SCG5: variants seen among roughly 807,000 people sequenced by gnomAD.
The protein encoded by SCG5 is neuroendocrine protein 7B2.
Under a neutral mutation model 25.7 loss-of-function variants are expected in SCG5, and 18 were observed. That is an observed-to-expected ratio of 0.70 (90% CI 0.48 to 1.04). The LOEUF (loss-of-function observed/expected upper bound fraction) is 1.04, where lower values mean the gene tolerates loss of function less well. Among genes scored for constraint, SCG5 ranks in the 50% least tolerant of loss-of-function variants. The probability of loss-of-function intolerance (pLI) is 0.00; values close to 1 mark genes in which losing one functional copy is unlikely to be tolerated. For missense variants in SCG5, 206 were observed against 259.8 expected, an observed-to-expected ratio of 0.79 and a Z score of 1.42; for synonymous variants, 101 against 91.7, an observed-to-expected ratio of 1.10 and a Z score of -0.58.
At chr15:32,671,289 C>T (rs1278464642) in intron 2 of SCG5, among the ~76,000 whole-genome samples, 1 of 152,172 alleles carries the variant, frequency 6.6e-6, no homozygotes, top group Non-Finnish European at 1.5e-5. Flanking sequence ...TCATTTCTCA[C>T]CAGGAGTCAA....
In SCG5 at chr15:32,667,758, C is replaced by T. The variant is rs8029668; in HGVS notation, c.227-12008C>T. Among the ~76,000 whole-genome samples the T allele has an allele frequency of 7.7e-3, 1,165 of 151,912 alleles. 14 individuals are homozygous for T. Among genetic ancestry groups the T allele is most frequent in the African/African-American group, 0.027 (1,115 of 41,442 alleles). The stretch of plus-strand genomic sequence containing the variant: ...CACAGTCTCGGCTCACTGCAGCCTC[C>T]GCCTCCTGGGTGCAAGTGATTCTCC... On this transcript the variant is annotated intron_variant, in intron 2 of 5. Coordinates refer to ENST00000300175, the MANE Select transcript of SCG5 (RefSeq NM_001144757.3).
chr15:32,674,804 T>C (rs1406334516), intron 2 of SCG5, among the ~76,000 whole-genome samples: 1 of 152,110 alleles, frequency 6.6e-6, no homozygotes, highest in Non-Finnish European at 1.5e-5. Flanking sequence ...GAAGGGAGAA[T>C]TGGAGGCACA....
chr15:32,688,944 G>A (rs2054783298), intron 4 of SCG5, among the ~76,000 whole-genome samples: 1 of 121,398 alleles, frequency 8.2e-6, no homozygotes, highest in African/African-American at 3.3e-5. Flanking sequence ...GGGCAAAAGA[G>A]CAAGACTCCG....
intron 2 of SCG5, among the ~76,000 whole-genome samples, chr15:32,664,551 G>A (rs2054288486): frequency 6.6e-6 from 1 of 152,188 alleles, no homozygotes; most frequent in Non-Finnish European, 1.5e-5. Context: ...TGAAACTCAT[G>A]CAATTTGAAA....
At chr15:32,689,440 T>TA (rs1304655580) in intron 4 of SCG5, among the ~76,000 whole-genome samples, 2 of 152,140 alleles carry the variant, frequency 1.3e-5, no homozygotes, top group African/African-American at 4.8e-5. Context: ...GCCCTGGAAT[T>TA]AGACTTTTCT....
At chr15:32,642,525 G>A (rs547840261) in intron 1 of SCG5, among the ~76,000 whole-genome samples, 1 of 130,288 alleles carries the variant, frequency 7.7e-6, no homozygotes, top group South Asian at 2.5e-4. Context: ...TCGAGATGGC[G>A]CCACTGCACT....
In SCG5 at chr15:32,695,017, T is replaced by C. The variant is rs781640699; in HGVS notation, c.544-1497T>C. Among the ~76,000 whole-genome samples, 70 of 151,974 alleles carry C rather than the reference T, an allele frequency of 4.6e-4. 1 individual carries two copies. Among genetic ancestry groups the C allele is most frequent in the Non-Finnish European group, 8.7e-4 (59 of 67,928 alleles). Reference sequence around the variant, plus strand: ...AACTACAGCTTCTTTCTTTCTTTTTTTTTTTTTTTCTTTTTTGAGATGGAG... The same window carrying C: ...AACTACAGCTTCTTTCTTTCTTTTTCTTTTTTTTTCTTTTTTGAGATGGAG... On this transcript the variant is annotated intron_variant, in intron 5 of 5. Coordinates refer to ENST00000300175, the MANE Select transcript of SCG5 (RefSeq NM_001144757.3).
intron 5 of SCG5, among the ~76,000 whole-genome samples, chr15:32,692,627 G>C (rs1047892517): frequency 9.2e-5 from 14 of 152,308 alleles, no homozygotes; most frequent in Non-Finnish European, 1.0e-4. Context: ...AATGCTATGA[G>C]ATAGTGACCA....
At position 32,683,445 on chromosome 15, in the gene SCG5, T is replaced by C. The variant is rs115265596; in HGVS notation, c.377-1112T>C. Among the ~76,000 whole-genome samples the C allele has an allele frequency of 7.7e-4, 117 of 152,328 alleles. 1 individual carries two copies. The highest frequency in any genetic ancestry group is 2.7e-3 in the African/African-American group (111 of 41,576). On this transcript the variant is annotated intron_variant, in intron 3 of 5. Coordinates refer to ENST00000300175, the MANE Select transcript of SCG5 (RefSeq NM_001144757.3). ...ATGCCTAGTAATAATAGAATTTACA[T>C]AAAAGCAGCATCTGAGAGAGATAGC...
intron 2 of SCG5, among the ~76,000 whole-genome samples, chr15:32,649,002 C>A (rs1342531897): frequency 1.3e-5 from 2 of 152,164 alleles, no homozygotes; most frequent in Non-Finnish European, 2.9e-5. Context: ...GTGATCCTCC[C>A]GCCTTGGCCT....
At chr15:32,669,559 A>G (rs1331098686) in intron 2 of SCG5, among the ~76,000 whole-genome samples, 1 of 152,244 alleles carries the variant, frequency 6.6e-6, no homozygotes, top group Non-Finnish European at 1.5e-5. Context: ...CCTTAACCTT[A>G]GTATAAAGAC....
chr15:32,654,564 G>A (rs903558693), intron 2 of SCG5, among the ~76,000 whole-genome samples: 1 of 152,204 alleles, frequency 6.6e-6, no homozygotes, highest in Non-Finnish European at 1.5e-5. Context: ...TACAGATGCA[G>A]AAAGTGTTAA....
Position 32,643,736 on chromosome 15 carries a change from G to A in SCG5, c.144G>A (p.Met48Ile). 6.2e-7 allele frequency: 1 copy of A among 1,613,944 alleles called. No homozygotes were observed. ...ADIQRLLHGV[M>I]EQLGIARPRV... is the part of the protein sequence containing the mutation. ...TCCAGAGGCTGCTTCATGGTGTTATGGAGCAATTGGGCATTGCCAGGCCCC... is the reference window on the plus strand; with the variant it reads ...TCCAGAGGCTGCTTCATGGTGTTATAGAGCAATTGGGCATTGCCAGGCCCC... Residue 48 changes from methionine (M) to isoleucine (I), a missense_variant, in exon 2 of 6, where the codon ATG (methionine) becomes ATA (isoleucine). Transcript: ENST00000300175.
At chr15:32,694,022 A>G (rs2054911812) in intron 5 of SCG5, among the ~76,000 whole-genome samples, 1 of 152,152 alleles carries the variant, frequency 6.6e-6, no homozygotes, top group Admixed American at 6.5e-5. Context: ...AGGCAGGAGA[A>G]TCGTTTGAAC....
At chr15:32,654,318 T>C (rs1237075031) in intron 2 of SCG5, among the ~76,000 whole-genome samples, 1 of 152,252 alleles carries the variant, frequency 6.6e-6, no homozygotes, top group Non-Finnish European at 1.5e-5. Context: ...CTGTCTTTCA[T>C]TGTATTCACA....
At position 32,648,916 on chromosome 15, in the gene SCG5, C is replaced by T. The variant is rs995632508; in HGVS notation, c.226+5098C>T. ...CCTCCCCAGTAGCTGGGACTACAGG[C>T]GCCCGCCACCACGCCCGGCTAATTT... is the stretch of plus-strand genomic sequence containing the variant. On this transcript the variant is annotated intron_variant, in intron 2 of 5. Coordinates refer to ENST00000300175, the MANE Select transcript of SCG5 (RefSeq NM_001144757.3). Among the ~76,000 whole-genome samples the T allele has an allele frequency of 4.6e-5, 7 of 152,244 alleles. No homozygotes were observed. In the East Asian group the frequency reaches 5.8e-4, roughly 13 times the overall value.
intron 5 of SCG5, chr15:32,692,333 G>T: frequency 2.1e-6 from 2 of 963,560 alleles, no homozygotes; most frequent in Non-Finnish European, 2.5e-6. Context: ...TGAATTTACT[G>T]CAGGCTTAGT....
At chr15:32,694,035 G>A (rs557719195) in intron 5 of SCG5, among the ~76,000 whole-genome samples, 1 of 152,168 alleles carries the variant, frequency 6.6e-6, no homozygotes, top group South Asian at 2.1e-4. Flanking sequence ...GTTTGAACCT[G>A]GGAGGTGGAG....
At chr15:32,692,772 C>G (rs2054882397) in intron 5 of SCG5, among the ~76,000 whole-genome samples, 1 of 152,118 alleles carries the variant, frequency 6.6e-6, no homozygotes, top group Admixed American at 6.6e-5. Context: ...AGGGTTTTGC[C>G]AAATCCGGTC....
Sources: gnomAD v4.1 joint callset for allele counts (sites outside exome capture counted in the v4.1 genomes callset) on GRCh38, gnomAD v4.1.1 for gene constraint, MANE v1.5 for transcripts, NCBI Gene and HGNC (gene_info 2026-07-23, HGNC 2026-07-21) for gene names.